The following ADCY8 variants were observed in gnomAD, a reference collection of about 807,000 sequenced individuals.
ADCY8 encodes the protein adenylate cyclase type 8.
Under a neutral mutation model 119.7 loss-of-function variants are expected in ADCY8, and 51 were observed. The ratio of observed to expected loss-of-function variants is 0.43; its 90% CI spans 0.34 to 0.54. ADCY8 has a LOEUF of 0.54. ADCY8 is among the 20% of genes least tolerant of loss of function. ADCY8 has a pLI of 0.03. For synonymous variants in ADCY8, 665 were observed against 651.0 expected, an observed-to-expected ratio of 1.02 and a Z score of -0.33; for missense variants, 1,383 against 1,598.8, an observed-to-expected ratio of 0.87 and a Z score of 2.30.
intron 7 of ADCY8, among the ~76,000 whole-genome samples, chr8:130,899,667 A>G (rs1819531262): frequency 6.6e-6 from 1 of 152,180 alleles, no homozygotes; most frequent in Admixed American, 6.5e-5. Context: ...GGATTCATTC[A>G]TTACTGGATC....
intron 5 of ADCY8, among the ~76,000 whole-genome samples, chr8:130,927,377 G>A (rs1820503746): frequency 6.6e-6 from 1 of 151,970 alleles, no homozygotes; most frequent in South Asian, 2.1e-4. Flanking sequence ...TATACCTGTT[G>A]GCTTGTATAC....
At chr8:130,805,447 G>A (rs1009335917) in intron 14 of ADCY8, among the ~76,000 whole-genome samples, 1 of 152,214 alleles carries the variant, frequency 6.6e-6, no homozygotes. Flanking sequence ...CCATCTGATT[G>A]GGTGGTCGTT....
At chr8:130,856,010 C>G (rs1011905819) in intron 9 of ADCY8, among the ~76,000 whole-genome samples, 17 of 152,074 alleles carry the variant, frequency 1.1e-4, no homozygotes, top group Admixed American at 9.2e-4. Flanking sequence ...CACAACGCCT[C>G]AATGAACTTC....
intron 5 of ADCY8, among the ~76,000 whole-genome samples, chr8:130,918,903 A>G (rs1374819474): frequency 6.6e-6 from 1 of 152,222 alleles, no homozygotes; most frequent in Non-Finnish European, 1.5e-5. Context: ...TCTACTAAAA[A>G]TACAAAAATT....
intron 7 of ADCY8, among the ~76,000 whole-genome samples, chr8:130,886,324 A>T (rs1200875072): frequency 2.0e-5 from 3 of 152,072 alleles, no homozygotes; most frequent in Non-Finnish European, 4.4e-5. Context: ...AGAGACTACT[A>T]TAGAGAAAAA....
At chr8:130,951,284 G>T (rs1821261735) in intron 3 of ADCY8, among the ~76,000 whole-genome samples, 1 of 152,224 alleles carries the variant, frequency 6.6e-6, no homozygotes, top group African/African-American at 2.4e-5. Flanking sequence ...GCCTCACCAT[G>T]GAGTTCACCC....
chr8:131,001,722 T>C (rs1473769382), intron 1 of ADCY8, among the ~76,000 whole-genome samples: 1 of 151,762 alleles, frequency 6.6e-6, no homozygotes, highest in Non-Finnish European at 1.5e-5. Flanking sequence ...CATCTATTTT[T>C]CCAAAGTCTA....
Position 130,862,349 on chromosome 8 carries a change from A to C in ADCY8, c.2210+5497T>G, listed in dbSNP as rs542880275. The stretch of plus-strand genomic sequence containing the variant: ...ATTTAATGTAAATTTTCTTCTAAGC[A>C]CTGCTTTCATGGCATCCCACAAATT... On this transcript the variant is annotated intron_variant, in intron 9 of 17. Coordinates refer to ENST00000286355, the MANE Select transcript of ADCY8 (RefSeq NM_001115.3). Among the ~76,000 whole-genome samples the C allele has an allele frequency of 5.3e-5, 8 of 152,268 alleles. No individual in the cohort carries two copies. The East Asian group carries it at 1.5e-3, about 29-fold the overall frequency.
chr8:130,799,825 G>T (rs547460362), intron 15 of ADCY8, among the ~76,000 whole-genome samples: 6 of 152,306 alleles, frequency 3.9e-5, no homozygotes, highest in African/African-American at 1.4e-4. Context: ...TCCCAGCTCA[G>T]GCTTAAGTAA....
At chr8:130,803,790 C>A (rs1815857380) in intron 14 of ADCY8, among the ~76,000 whole-genome samples, 1 of 152,190 alleles carries the variant, frequency 6.6e-6, no homozygotes, top group Admixed American at 6.5e-5. Context: ...AGTGTGCCTC[C>A]TCCACATGCA....
chr8:130,843,092 A>C (rs187653070), intron 11 of ADCY8, among the ~76,000 whole-genome samples: 90 of 152,264 alleles, frequency 5.9e-4, no homozygotes, highest in East Asian at 9.7e-4. Flanking sequence ...GACACATATT[A>C]AATTATTTTA....
intron 15 of ADCY8, among the ~76,000 whole-genome samples, chr8:130,789,396 T>A (rs1295242509): frequency 6.6e-6 from 1 of 152,192 alleles, no homozygotes; most frequent in Non-Finnish European, 1.5e-5. Flanking sequence ...ATCGTCACTT[T>A]ATATTGAATG....
At chr8:130,899,701 A>G (rs1350569818) in intron 7 of ADCY8, among the ~76,000 whole-genome samples, 1 of 152,236 alleles carries the variant, frequency 6.6e-6, no homozygotes, top group African/African-American at 2.4e-5. Context: ...ACACTTGAGT[A>G]TCTGTTAAAT....
At chr8:130,819,641 G>C (rs568272128) in intron 13 of ADCY8, among the ~76,000 whole-genome samples, 1 of 152,252 alleles carries the variant, frequency 6.6e-6, no homozygotes, top group South Asian at 2.1e-4. Context: ...ATAGGGTGAT[G>C]GCCTTGTCTA....
At chr8:131,035,257 T>G (rs1824115192) in intron 1 of ADCY8, among the ~76,000 whole-genome samples, 1 of 152,152 alleles carries the variant, frequency 6.6e-6, no homozygotes, top group South Asian at 2.1e-4. Context: ...TAGTGCTACC[T>G]ATAGCTGAGC....
At chr8:130,785,904 C>A (rs1283897201) in intron 15 of ADCY8, among the ~76,000 whole-genome samples, 1 of 152,218 alleles carries the variant, frequency 6.6e-6, no homozygotes, top group African/African-American at 2.4e-5. Context: ...GCCACACTGA[C>A]CTGAGAACAA....
chr8:130,815,688 G>A (rs1295543136), intron 13 of ADCY8, among the ~76,000 whole-genome samples: 1 of 152,224 alleles, frequency 6.6e-6, no homozygotes, highest in Admixed American at 6.5e-5. Flanking sequence ...GAACTCATTA[G>A]TGAAAGGATT....
At chr8:130,789,238 T>C (rs2130064196) in intron 15 of ADCY8, among the ~76,000 whole-genome samples, 1 of 152,206 alleles carries the variant, frequency 6.6e-6, no homozygotes, top group South Asian at 2.1e-4. Flanking sequence ...CTATTAAGAG[T>C]AAAGACATTC....
In ADCY8 at chr8:131,000,117, A is replaced by C. The variant is rs148733325; in HGVS notation, c.961-9575T>G. 2.3e-3 allele frequency among the ~76,000 whole-genome samples: 346 copies of C among 152,298 alleles called. 1 individual carries two copies. Among genetic ancestry groups the C allele is most frequent in the African/African-American group, 8.0e-3 (333 of 41,566 alleles). The stretch of plus-strand genomic sequence containing the variant: ...GGAGCCATTATTATGTTTATTTCAC[A>C]TATGTGGGAGCTTGGGATCAGAGAA... On this transcript the variant is annotated intron_variant, in intron 1 of 17. Coordinates refer to ENST00000286355, the MANE Select transcript of ADCY8 (RefSeq NM_001115.3).
Sources: gnomAD v4.1 joint callset for allele counts (sites outside exome capture counted in the v4.1 genomes callset) on GRCh38, gnomAD v4.1.1 for gene constraint, MANE v1.5 for transcripts, NCBI Gene and HGNC (gene_info 2026-07-23, HGNC 2026-07-21) for gene names.